The following MED13L variants were observed in gnomAD, a reference collection of about 807,000 sequenced individuals.
MED13L encodes mediator of RNA polymerase II transcription subunit 13-like.
Under a neutral mutation model 220.9 loss-of-function variants are expected in MED13L, and 7 were observed. The ratio of observed to expected loss-of-function variants is 0.03; its 90% CI spans 0.02 to 0.06. The LOEUF (loss-of-function observed/expected upper bound fraction) is 0.06, where lower values mean the gene tolerates loss of function less well. MED13L is among the 10% of genes least tolerant of loss of function. The pLI, the probability that MED13L is intolerant of heterozygous loss-of-function variation, is 1.00. For missense variants in MED13L, 1,965 were observed against 2,760.5 expected (o/e 0.71, Z 6.46); for synonymous variants, 1,011 against 1,015.2 (o/e 1.00, Z 0.08).
intron 2 of MED13L, among the ~76,000 whole-genome samples, chr12:116,197,206 T>C (rs1419096759): frequency 6.6e-6 from 1 of 152,220 alleles, no homozygotes; most frequent in African/African-American, 2.4e-5. Context: ...ACTGCAAAGA[T>C]GAAACCGTGT....
intron 1 of MED13L, chr12:116,276,354 G>GA: frequency 1.3e-5 from 9 of 695,412 alleles, no homozygotes; most frequent in Non-Finnish European, 1.9e-5. Context: ...GTGTGTGTGC[G>GA]GATTCGTTGT....
chr12:116,277,017 CCCTTCCCCGGCACAG>C, intron 1 of MED13L, 28 bp downstream of exon 1: 1 of 1,399,196 alleles, frequency 7.1e-7, no homozygotes, highest in Non-Finnish European at 9.9e-7. Flanking sequence ...GGGACCCCCC[CCCTTCCCCGGCACAG>C]CCCCCTCCCC....
In MED13L at chr12:116,053,325, G is replaced by T. The variant is rs527836741; in HGVS notation, c.480-30724C>A. On this transcript the variant is annotated intron_variant, in intron 4 of 30. Coordinates refer to ENST00000281928, the MANE Select transcript of MED13L (RefSeq NM_015335.5). ...TGACCATAAATAAGTATAATCGAAG[G>T]TATACATAAATACCAGAAGAAAAGC... Among the ~76,000 whole-genome samples, 25 of 152,154 alleles carry T rather than the reference G, an allele frequency of 1.6e-4. No individual in the cohort carries two copies. The South Asian group carries it at 5.2e-3, about 32-fold the overall frequency.
intron 4 of MED13L, among the ~76,000 whole-genome samples, chr12:116,089,125 G>T (rs1871967634): frequency 6.6e-6 from 1 of 152,260 alleles, no homozygotes; most frequent in Non-Finnish European, 1.5e-5. Flanking sequence ...AACTGAAAAT[G>T]ACATTATCGG....
chr12:116,204,762 G>A (rs1287570821), intron 2 of MED13L, among the ~76,000 whole-genome samples: 2 of 152,096 alleles, frequency 1.3e-5, no homozygotes, highest in Non-Finnish European at 2.9e-5. Context: ...TGTCTTGTCT[G>A]TAGATCCCTA....
At chr12:116,048,232 C>G (rs964363811) in intron 4 of MED13L, among the ~76,000 whole-genome samples, 1 of 152,138 alleles carries the variant, frequency 6.6e-6, no homozygotes, top group African/African-American at 2.4e-5. Context: ...ATAGTCCCCA[C>G]TCTAGGAACT....
At chr12:116,045,874 GTAGA>G (rs1355287699) in intron 4 of MED13L, among the ~76,000 whole-genome samples, 4 of 151,516 alleles carry the variant, frequency 2.6e-5, no homozygotes, top group Non-Finnish European at 5.9e-5. Flanking sequence ...CATATTTTAG[GTAGA>G]TAAATATATA....
intron 17 of MED13L, among the ~76,000 whole-genome samples, chr12:115,989,494 C>T (rs771114112): frequency 2.1e-4 from 32 of 151,968 alleles, no homozygotes; most frequent in Non-Finnish European, 4.4e-4. Flanking sequence ...CTTTTCTCCT[C>T]CTCCTCAATG....
chr12:116,056,232 T>C (rs1398485767), intron 4 of MED13L, among the ~76,000 whole-genome samples: 1 of 152,066 alleles, frequency 6.6e-6, no homozygotes. Context: ...TTTGTCCTAA[T>C]AATGTATGCA....
At chr12:116,079,502 G>A (rs1244923776) in intron 4 of MED13L, among the ~76,000 whole-genome samples, 2 of 151,806 alleles carry the variant, frequency 1.3e-5, no homozygotes, top group Admixed American at 6.6e-5. Context: ...CTCAGATTAC[G>A]AGCATGAGCT....
intron 3 of MED13L, among the ~76,000 whole-genome samples, chr12:116,101,217 T>C (rs1392750051): frequency 2.0e-5 from 3 of 152,220 alleles, no homozygotes. Flanking sequence ...TGAGTTGTAA[T>C]GATTAAGTTC....
At chr12:116,239,580 A>G (rs1024421826) in intron 1 of MED13L, among the ~76,000 whole-genome samples, 3 of 152,228 alleles carry the variant, frequency 2.0e-5, no homozygotes, top group African/African-American at 4.8e-5. Flanking sequence ...TAGCCATCCC[A>G]TACCAACTGG....
At chr12:116,042,968 C>T (rs1320421115) in intron 4 of MED13L, among the ~76,000 whole-genome samples, 1 of 152,088 alleles carries the variant, frequency 6.6e-6, no homozygotes, top group African/African-American at 2.4e-5. Context: ...CACTGTTAGC[C>T]GATGTTCATG....
intron 4 of MED13L, among the ~76,000 whole-genome samples, chr12:116,082,123 T>C (rs1265316538): frequency 2.6e-5 from 4 of 152,226 alleles, no homozygotes; most frequent in African/African-American, 4.8e-5. Context: ...TGACAGACTA[T>C]GCCAGTAAAC....
intron 1 of MED13L, among the ~76,000 whole-genome samples, chr12:116,274,502 A>C (rs1304015215): frequency 6.6e-6 from 1 of 151,890 alleles, no homozygotes; most frequent in Non-Finnish European, 1.5e-5. Context: ...TTATAAAAAA[A>C]CATGATTTTG....
chr12:115,974,663 A>G (rs1439088719), intron 25 of MED13L, among the ~76,000 whole-genome samples: 2 of 152,232 alleles, frequency 1.3e-5, no homozygotes, highest in Non-Finnish European at 2.9e-5. Flanking sequence ...AGAACATCAG[A>G]CAGTGGCAAT....
At position 115,959,119 on chromosome 12, in the gene MED13L, TAC is replaced by T. The variant is rs1268433492; in HGVS notation, c.*2145_*2146del. 1 of 152,608 alleles carries T rather than the reference TAC, an allele frequency of 6.6e-6. No homozygotes were observed. The highest frequency in any genetic ancestry group is 6.5e-5 in the Admixed American group (1 of 15,280). The allele number at this position is 152,608 out of a possible 1,614,324, so 9.5% of individuals were successfully genotyped here. A position where few individuals can be genotyped will look rare whatever the true frequency, so the allele number is the denominator to read the frequency against. On this transcript the variant is annotated 3_prime_UTR_variant, in exon 31 of 31. Transcript: ENST00000281928. ...TAATGCATATTTAAGGGAAATATTA[TAC>T]AGACTTTTTCACACAGAAGTACATA...
At chr12:115,984,418 T>C (rs1415645414) in intron 19 of MED13L, 46 bp from the exon 20 acceptor site, 1 of 1,598,476 alleles carries the variant, frequency 6.3e-7, no homozygotes, top group East Asian at 2.2e-5. Flanking sequence ...AGCCATTCCT[T>C]CATTCAGTAC....
intron 4 of MED13L, among the ~76,000 whole-genome samples, chr12:116,073,424 T>C (rs924216358): frequency 6.6e-6 from 1 of 152,186 alleles, no homozygotes; most frequent in Non-Finnish European, 1.5e-5. Context: ...GACTCAATGT[T>C]ATATTACTGG....
Sources: allele counts gnomAD v4.1 joint callset (sites outside exome capture counted in the v4.1 genomes callset), GRCh38; gene constraint gnomAD v4.1.1; transcripts MANE v1.5; gene names NCBI Gene and HGNC (gene_info 2026-07-23, HGNC 2026-07-21).